ASAP2: variants seen among roughly 807,000 people sequenced by gnomAD.
ASAP2 encodes arf-GAP with SH3 domain, ANK repeat and PH domain-containing protein 2.
In ASAP2, 45 loss-of-function variants were observed where a neutral mutation model predicts 131.4. The ratio of observed to expected loss-of-function variants is 0.34; its 90% CI spans 0.27 to 0.44. The LOEUF is 0.44. Ranked by LOEUF, ASAP2 falls within the 20% of genes least tolerant of loss-of-function variation. The pLI is 1.00. For missense variants in ASAP2, 1,011 were observed against 1,297.0 expected (o/e 0.78, Z 3.39); for synonymous variants, 510 against 503.0 (o/e 1.01, Z -0.19).
At chr2:9,274,858 A>C (rs749219421) in intron 1 of ASAP2, among the ~76,000 whole-genome samples, 58 of 152,198 alleles carry the variant, frequency 3.8e-4, no homozygotes, top group Admixed American at 2.0e-4. Context: ...TTCAGGAAGC[A>C]CTACTTCCTC....
intron 1 of ASAP2, among the ~76,000 whole-genome samples, chr2:9,254,639 G>T (rs555694659): frequency 1.4e-4 from 21 of 147,928 alleles, no homozygotes; most frequent in African/African-American, 4.8e-4. Context: ...CTCCCAAAGT[G>T]CTGGGATTAC....
intron 3 of ASAP2, among the ~76,000 whole-genome samples, chr2:9,316,948 C>G (rs1011124684): frequency 8.4e-6 from 1 of 118,424 alleles, no homozygotes; most frequent in Non-Finnish European, 1.8e-5. Flanking sequence ...CCCTCACTCT[C>G]ACACCCTCCC....
At chr2:9,330,993 C>T (rs974995522) in intron 7 of ASAP2, among the ~76,000 whole-genome samples, 5 of 152,238 alleles carry the variant, frequency 3.3e-5, no homozygotes, top group Admixed American at 6.5e-5. Flanking sequence ...GAGGGTACAA[C>T]GTGGAGCTCG....
In ASAP2 at chr2:9,393,156, C is replaced by T. The variant is rs577611384; in HGVS notation, c.2519-326C>T. On this transcript the variant is annotated intron_variant, in intron 23 of 27. Coordinates refer to ENST00000281419, the MANE Select transcript of ASAP2 (RefSeq NM_003887.3). ...CCCGGGCAGAGCTGAGGGCCCCGGC[C>T]TCCTGCTGTTGGGTCTTTGAGTGGA... is the stretch of plus-strand genomic sequence containing the variant. Among the ~76,000 whole-genome samples the T allele has an allele frequency of 5.3e-5, 8 of 152,342 alleles. No homozygotes were observed. The South Asian group carries it at 1.2e-3, about 24-fold the overall frequency.
intron 2 of ASAP2, among the ~76,000 whole-genome samples, chr2:9,293,915 G>A (rs1667986000): frequency 6.6e-6 from 1 of 152,056 alleles, no homozygotes; most frequent in South Asian, 2.1e-4. Flanking sequence ...TGATGATGGT[G>A]ATGATGAGCC....
At chr2:9,235,041 C>G (rs1330229374) in intron 1 of ASAP2, among the ~76,000 whole-genome samples, 2 of 152,102 alleles carry the variant, frequency 1.3e-5, no homozygotes, top group Non-Finnish European at 2.9e-5. Context: ...CTTGCTCTGC[C>G]TCTCACCTGT....
At chr2:9,395,539 T>TA (rs1267278241) in intron 24 of ASAP2, among the ~76,000 whole-genome samples, 1 of 150,960 alleles carries the variant, frequency 6.6e-6, no homozygotes, top group Admixed American at 6.6e-5. Flanking sequence ...ATCCCTGCAC[T>TA]ACTGTGTTTT....
intron 15 of ASAP2, among the ~76,000 whole-genome samples, chr2:9,359,330 G>C (rs912447003): frequency 6.6e-6 from 1 of 152,260 alleles, no homozygotes; most frequent in Non-Finnish European, 1.5e-5. Context: ...TGTCCCCCAT[G>C]GGGGGAGATA....
Position 9,320,302 on chromosome 2 carries a change from T to G in ASAP2, c.435T>G (p.Pro145=). The change falls in exon 5 of 28, where the codon CCT becomes CCG. Residue 145 remains proline (P), a synonymous_variant. Coordinates refer to ENST00000281419, the MANE Select transcript of ASAP2 (RefSeq NM_003887.3). ...LKGVKGDLKK[P]FDKAWKDYET... The stretch of plus-strand genomic sequence containing the variant: ...TTTGTTTACAGGATCTGAAAAAGCC[T>G]TTTGATAAAGCTTGGAAGGACTATG... 1 of 1,611,152 alleles carries G rather than the reference T, an allele frequency of 6.2e-7. No individual in the cohort carries two copies. The highest frequency in any genetic ancestry group is 8.5e-7 in the Non-Finnish European group (1 of 1,178,806).
intron 11 of ASAP2, among the ~76,000 whole-genome samples, chr2:9,347,297 A>C (rs1388987399): frequency 6.6e-6 from 1 of 152,210 alleles, no homozygotes; most frequent in East Asian, 1.9e-4. Context: ...GAGAGGTTGC[A>C]TGTGGGGAAG....
chr2:9,400,008 T>C lies in ASAP2; in HGVS notation c.2685-15T>C, dbSNP rs760899973. 5.0e-6 allele frequency: 8 copies of C among 1,612,932 alleles called. No homozygotes were observed. Among genetic ancestry groups the C allele is most frequent in the Non-Finnish European group, 5.9e-6 (7 of 1,179,382 alleles). Reference sequence around the variant, plus strand: ...CTCCGGTAGCAGTAAATCTACTTTTTCCCTGTCTTTGTAGGGCTGACAAGT... The same window carrying C: ...CTCCGGTAGCAGTAAATCTACTTTTCCCCTGTCTTTGTAGGGCTGACAAGT... On this transcript the variant is annotated splice_polypyrimidine_tract_variant and intron_variant, in intron 24 of 27. Transcript: ENST00000281419.
rs1399628984 is a variant in ASAP2 at position 9,217,030 on chromosome 2, AC to A, written c.126+9801del. Among the ~76,000 whole-genome samples the A allele has an allele frequency of 6.6e-6, 1 of 152,218 alleles. No individual in the cohort carries two copies. Among genetic ancestry groups the A allele is most frequent in the Non-Finnish European group, 1.5e-5 (1 of 68,042 alleles). On this transcript the variant is annotated intron_variant, in intron 1 of 27. Transcript: ENST00000281419. The surrounding 1 kb of genome is among the most constrained non-coding windows in gnomAD (Gnocchi z 4.0). ...CTATAGGGGCCAGCAAAATTAGGCC[AC>A]GGTACCAAGTTCATGGAGCTTGGAG...
intron 7 of ASAP2, among the ~76,000 whole-genome samples, chr2:9,329,112 C>A (rs770126504): frequency 6.6e-6 from 1 of 152,054 alleles, no homozygotes. Context: ...GAGTAGGAGC[C>A]GGCAGATAAG....
rs138198279 is a variant in ASAP2, at chr2:9,279,434, G to A, written c.199+45G>A. 2.1e-4 allele frequency: 333 copies of A among 1,565,216 alleles called. No individual in the cohort carries two copies. In the African/African-American group the frequency reaches 3.0e-3, roughly 14 times the overall value. ...TAGAGGTTTCTGTGTGGAAAATGTC[G>A]CATTTGAAGTCCTGGTACCGTAATA... On this transcript the variant is annotated intron_variant, in intron 2 of 27. Transcript: ENST00000281419.
chr2:9,284,284 A>C (rs1201560542), intron 2 of ASAP2, among the ~76,000 whole-genome samples: 1 of 152,224 alleles, frequency 6.6e-6, no homozygotes, highest in African/African-American at 2.4e-5. Context: ...TGTTTTGTTC[A>C]GCTACAAATT....
At chr2:9,252,914 C>T (rs1208881997) in intron 1 of ASAP2, among the ~76,000 whole-genome samples, 5 of 108,484 alleles carry the variant, frequency 4.6e-5, no homozygotes, top group Non-Finnish European at 9.4e-5. Flanking sequence ...GACTCCGTCT[C>T]AAAAAAAAAA....
In ASAP2 at chr2:9,268,142, G is replaced by A. The variant is rs1264128208; in HGVS notation, c.127-11175G>A. Among the ~76,000 whole-genome samples the A allele has an allele frequency of 6.6e-6, 1 of 152,008 alleles. No individual in the cohort carries two copies. The highest frequency in any genetic ancestry group is 2.4e-5 in the African/African-American group (1 of 41,364). Reference sequence around the variant, plus strand: ...ATGTATTCTTTTGCTCAACATTTTTGTCAAGTTCACTTGTGTTGTGGGGTA... The same window carrying A: ...ATGTATTCTTTTGCTCAACATTTTTATCAAGTTCACTTGTGTTGTGGGGTA... On this transcript the variant is annotated intron_variant, in intron 1 of 27. Coordinates refer to ENST00000281419, the MANE Select transcript of ASAP2 (RefSeq NM_003887.3). This position sits in a 1 kb window ranked among gnomAD's most constrained non-coding sequence, Gnocchi z 4.1.
At chr2:9,390,263 A>G (rs963125496) in intron 22 of ASAP2, among the ~76,000 whole-genome samples, 1 of 152,234 alleles carries the variant, frequency 6.6e-6, no homozygotes, top group African/African-American at 2.4e-5. Context: ...GCAGATAAAT[A>G]GCAAATGGAG....
chr2:9,349,076 C>G (rs1672165594), intron 11 of ASAP2, among the ~76,000 whole-genome samples: 1 of 152,086 alleles, frequency 6.6e-6, no homozygotes, highest in Non-Finnish European at 1.5e-5. Context: ...GTTCCTACCT[C>G]AAAGGGCAGT....
Sources: allele counts gnomAD v4.1 joint callset (sites outside exome capture counted in the v4.1 genomes callset), GRCh38; gene constraint gnomAD v4.1.1; non-coding constraint Gnocchi (gnomAD v3.1); transcripts MANE v1.5; gene names NCBI Gene and HGNC (gene_info 2026-07-23, HGNC 2026-07-21).